Variants in CDKAL1 observed in about 807,000 individuals in gnomAD.
CDKAL1 encodes the protein threonylcarbamoyladenosine tRNA methylthiotransferase.
A neutral mutation model predicts 68.2 loss-of-function variants in CDKAL1; 32 were observed. The observed-to-expected ratio is 0.47, with a 90% confidence interval of 0.35 to 0.63. The LOEUF (loss-of-function observed/expected upper bound fraction) is 0.63. Among genes scored for constraint, CDKAL1 ranks in the 30% least tolerant of loss-of-function variants. The pLI is 0.00. For missense variants in CDKAL1, 606 were observed against 696.7 expected (o/e 0.87, Z 1.47); for synonymous variants, 234 against 244.3 (o/e 0.96, Z 0.39).
intron 8 of CDKAL1, among the ~76,000 whole-genome samples, chr6:20,794,244 A>G (rs1392144679): frequency 6.6e-6 from 1 of 151,872 alleles, no homozygotes; most frequent in Non-Finnish European, 1.5e-5. Flanking sequence ...TTTTTTTGGT[A>G]TAGTAGGTGA....
rs1046065232 is a variant in CDKAL1, at chr6:20,740,262, A to G, written c.468+647A>G. The stretch of plus-strand genomic sequence containing the variant: ...ATACCTGGCACATAGTAAGCACTCA[A>G]TAAGTGTTTGTTGATTGCCTGAAAA... On this transcript the variant is annotated intron_variant, in intron 6 of 15. Transcript: ENST00000274695. 3.9e-5 allele frequency among the ~76,000 whole-genome samples: 6 copies of G among 151,976 alleles called. No individual in the cohort carries two copies. The East Asian group carries it at 5.8e-4, about 15-fold the overall frequency.
At chr6:20,862,645 G>GTGTT (rs1759696193) in intron 9 of CDKAL1, among the ~76,000 whole-genome samples, 1 of 149,318 alleles carries the variant, frequency 6.7e-6, no homozygotes, top group Non-Finnish European at 1.5e-5. Flanking sequence ...TTGTGTGTGT[G>GTGTT]TGTGTGTGTG....
intron 13 of CDKAL1, among the ~76,000 whole-genome samples, chr6:21,178,816 A>C (rs947591660): frequency 2.0e-5 from 3 of 152,218 alleles, no homozygotes; most frequent in African/African-American, 7.2e-5. Flanking sequence ...GTGAGGATCC[A>C]AGAGGACTTA....
chr6:20,632,623 A>G (rs1340703851), intron 4 of CDKAL1, among the ~76,000 whole-genome samples: 1 of 151,976 alleles, frequency 6.6e-6, no homozygotes. Flanking sequence ...TTTTTCTCCT[A>G]CCTCGGTCAT....
At chr6:21,001,421 T>G (rs1767423173) in intron 11 of CDKAL1, among the ~76,000 whole-genome samples, 2 of 152,122 alleles carry the variant, frequency 1.3e-5, no homozygotes, top group Admixed American at 1.3e-4. Context: ...CTTCCATACC[T>G]TTCCATTACA....
intron 7 of CDKAL1, among the ~76,000 whole-genome samples, chr6:20,770,257 C>T (rs1297919764): frequency 1.3e-5 from 2 of 151,676 alleles, no homozygotes; most frequent in African/African-American, 4.8e-5. Flanking sequence ...GAACGTATTC[C>T]CTAACTATAA....
At chr6:20,848,817 G>T (rs1235219565) in intron 9 of CDKAL1, among the ~76,000 whole-genome samples, 2 of 150,180 alleles carry the variant, frequency 1.3e-5, no homozygotes, top group African/African-American at 2.5e-5. Context: ...TGGTGACAGG[G>T]TCTCACACTG....
chr6:20,712,842 A>G (rs188124626), intron 5 of CDKAL1, among the ~76,000 whole-genome samples: 1 of 152,166 alleles, frequency 6.6e-6, no homozygotes, highest in African/African-American at 2.4e-5. Context: ...GGGTTTCACC[A>G]TGTTGGCCAG....
chr6:20,777,583 C>T (rs529721383), intron 7 of CDKAL1, among the ~76,000 whole-genome samples: 1 of 152,260 alleles, frequency 6.6e-6, no homozygotes, highest in East Asian at 1.9e-4. Context: ...CCACTGCACT[C>T]CGGCCTGGGC....
intron 4 of CDKAL1, among the ~76,000 whole-genome samples, chr6:20,575,455 A>G (rs1764871338): frequency 6.6e-6 from 1 of 151,518 alleles, no homozygotes; most frequent in Non-Finnish European, 1.5e-5. Flanking sequence ...AAAAAAAAAA[A>G]AAAAAAAGAA....
At chr6:21,184,579 A>G (rs9465984) in intron 13 of CDKAL1, among the ~76,000 whole-genome samples, 40,051 of 152,074 alleles carry the variant, frequency 0.26, 5,815 homozygotes, top group African/African-American at 0.38. Flanking sequence ...TTTTAACTGT[A>G]TACTATCATG....
chr6:20,744,091 A>G (rs1364960569), intron 6 of CDKAL1, among the ~76,000 whole-genome samples: 1 of 152,176 alleles, frequency 6.6e-6, no homozygotes, highest in East Asian at 1.9e-4. Flanking sequence ...GTTATAGTTA[A>G]TCATCTACCT....
chr6:20,756,388 A>T (rs1374794325), intron 6 of CDKAL1, among the ~76,000 whole-genome samples: 3 of 152,100 alleles, frequency 2.0e-5, no homozygotes, highest in Admixed American at 2.0e-4. Context: ...GCTTTCCCTA[A>T]GTTTGATTCC....
At chr6:21,022,852 ACT>A (rs1236697994) in intron 11 of CDKAL1, among the ~76,000 whole-genome samples, 1 of 152,204 alleles carries the variant, frequency 6.6e-6, no homozygotes, top group African/African-American at 2.4e-5. Flanking sequence ...GAAGTGCGTT[ACT>A]ATTCACTGTA....
intron 11 of CDKAL1, among the ~76,000 whole-genome samples, chr6:21,036,397 A>T (rs140084086): frequency 6.6e-6 from 1 of 152,144 alleles, no homozygotes; most frequent in African/African-American, 2.4e-5. Flanking sequence ...CTACTAAACC[A>T]TCAAAGTATG....
intron 9 of CDKAL1, among the ~76,000 whole-genome samples, chr6:20,936,720 G>T (rs1005981031): frequency 2.0e-5 from 3 of 152,128 alleles, no homozygotes; most frequent in African/African-American, 4.8e-5. Context: ...AGTGTGTGAG[G>T]CTTCTTATTT....
rs919542713 is a variant in CDKAL1, at chr6:20,839,498, T to G, written c.639-6577T>G. ...ACATCCCAGCATCGGAAACTACTGA[T>G]AGAAACTGGAAAAATAGTTACTATT... On this transcript the variant is annotated intron_variant, in intron 8 of 15. Coordinates refer to ENST00000274695, the MANE Select transcript of CDKAL1 (RefSeq NM_017774.3). Among the ~76,000 whole-genome samples, 4 of 152,180 alleles carry G rather than the reference T, an allele frequency of 2.6e-5. No homozygotes were observed. The East Asian group carries it at 7.7e-4, about 29-fold the overall frequency.
chr6:21,081,543 T>C (rs1206513255), intron 12 of CDKAL1, among the ~76,000 whole-genome samples: 4 of 151,872 alleles, frequency 2.6e-5, no homozygotes, highest in African/African-American at 9.7e-5. Context: ...GAGTAACTTC[T>C]AAAGATAAAG....
intron 5 of CDKAL1, among the ~76,000 whole-genome samples, chr6:20,672,751 C>G (rs1327409550): frequency 6.6e-6 from 1 of 152,016 alleles, no homozygotes; most frequent in Non-Finnish European, 1.5e-5. Flanking sequence ...GAAAAATTGA[C>G]TTGGTATTTG....
Sources: allele counts gnomAD v4.1 joint callset (sites outside exome capture counted in the v4.1 genomes callset), GRCh38; gene constraint gnomAD v4.1.1; transcripts MANE v1.5; gene names NCBI Gene and HGNC (gene_info 2026-07-23, HGNC 2026-07-21).